The following UBR1 variants were observed in gnomAD, a reference collection of about 807,000 sequenced individuals.
The protein encoded by UBR1 is ubiquitin protein ligase E3 component n-recognin 1.
In UBR1, 102 loss-of-function variants were observed where a neutral mutation model predicts 242.1. That is an observed-to-expected ratio of 0.42 (90% CI 0.36 to 0.50). The LOEUF (loss-of-function observed/expected upper bound fraction) is 0.50. Ranked by LOEUF, UBR1 falls within the 20% of genes least tolerant of loss-of-function variation. UBR1 has a pLI of 0.01. For synonymous variants in UBR1, 675 were observed against 684.8 expected (o/e 0.99, Z 0.22); for missense variants, 1,772 against 2,101.8 (o/e 0.84, Z 3.07).
chr15:42,953,673 T>C (rs886548056), intron 44 of UBR1, among the ~76,000 whole-genome samples: 12 of 152,250 alleles, frequency 7.9e-5, no homozygotes, highest in African/African-American at 2.6e-4. Flanking sequence ...GAGCCTAAAG[T>C]ATATGACTGA....
chr15:43,067,152 A>G (rs1157631088), intron 6 of UBR1, among the ~76,000 whole-genome samples: 1 of 152,248 alleles, frequency 6.6e-6, no homozygotes, highest in Non-Finnish European at 1.5e-5. Flanking sequence ...GATATTACAC[A>G]TAAAGTATAC....
At chr15:42,996,528 T>C (rs1301677672) in intron 33 of UBR1, among the ~76,000 whole-genome samples, 1 of 152,050 alleles carries the variant, frequency 6.6e-6, no homozygotes, top group Non-Finnish European at 1.5e-5. Context: ...GCCCAGGAAG[T>C]TGAAGCTGCA....
At chr15:43,051,090 A>G (rs2033549659) in intron 12 of UBR1, among the ~76,000 whole-genome samples, 2 of 152,200 alleles carry the variant, frequency 1.3e-5, no homozygotes, top group South Asian at 4.1e-4. Context: ...CACCCAAAGG[A>G]ATATAAATTG....
chr15:42,970,857 G>T (rs936809508), intron 39 of UBR1, among the ~76,000 whole-genome samples: 2 of 152,050 alleles, frequency 1.3e-5, no homozygotes. Flanking sequence ...CAACTAGCTG[G>T]GATTACAGGC....
rs545631493 is a variant in UBR1, at chr15:42,955,977, T to A, written c.4835+2036A>T. Among the ~76,000 whole-genome samples, 72 of 152,280 alleles carry A rather than the reference T, an allele frequency of 4.7e-4. 1 individual carries two copies. In the South Asian group the frequency reaches 0.015, roughly 32 times the overall value. On this transcript the variant is annotated intron_variant, in intron 44 of 46. Coordinates refer to ENST00000290650, the MANE Select transcript of UBR1 (RefSeq NM_174916.3). ...TTGTTTTCACCAGTCTTTGTTATCA[T>A]CCAGTTCTTTTTCCACTTGAAATTA...
At chr15:43,006,091 T>TAAA (rs1257692507) in intron 30 of UBR1, among the ~76,000 whole-genome samples, 2 of 71,640 alleles carry the variant, frequency 2.8e-5, no homozygotes, top group Non-Finnish European at 6.0e-5. Flanking sequence ...CAATAAATAC[T>TAAA]AAAAAAAAAA....
rs200055321 is a variant in UBR1 at position 42,977,850 on chromosome 15, G to A, written c.4218+30C>T. ...AAAATACAAGAAATTATCAACATGA[G>A]TGACTTAAACAAAATTACTGAACAC... On this transcript the variant is annotated intron_variant, in intron 38 of 46. Coordinates refer to ENST00000290650, the MANE Select transcript of UBR1 (RefSeq NM_174916.3). The A allele has an allele frequency of 9.7e-6, 15 of 1,553,578 alleles. No homozygotes were observed. In the East Asian group the frequency reaches 3.1e-4, roughly 33 times the overall value.
intron 30 of UBR1, among the ~76,000 whole-genome samples, chr15:43,004,815 G>A (rs564016903): frequency 6.6e-6 from 1 of 152,314 alleles, no homozygotes; most frequent in Non-Finnish European, 1.5e-5. Context: ...TCTGGGAAGT[G>A]AGGAGCGGCT....
chr15:43,002,807 G>T (rs1178210389), intron 31 of UBR1, 103 bp from the exon 32 acceptor site: 2 of 1,471,708 alleles, frequency 1.4e-6, no homozygotes, highest in African/African-American at 1.4e-5. Context: ...TGGAATTTTT[G>T]CCCCAATAAA....
intron 10 of UBR1, 92 bp from the exon 11 acceptor site, chr15:43,056,534 TC>T: frequency 1.2e-6 from 1 of 826,118 alleles, no homozygotes. Flanking sequence ...TTTGTTTCTA[TC>T]TATAAAATGT....
chr15:43,098,241 T>G (rs547749922), intron 1 of UBR1, among the ~76,000 whole-genome samples: 96 of 152,320 alleles, frequency 6.3e-4, no homozygotes, highest in African/African-American at 2.2e-3. Context: ...TTTATGGATG[T>G]GGTTCATGGC....
At chr15:43,061,709 T>A (rs1247540890) in intron 6 of UBR1, among the ~76,000 whole-genome samples, 1 of 149,412 alleles carries the variant, frequency 6.7e-6, no homozygotes, top group Non-Finnish European at 1.5e-5. Context: ...AACTTAGGAA[T>A]GGAAAAACAA....
intron 4 of UBR1, among the ~76,000 whole-genome samples, chr15:43,073,214 T>C (rs1045836379): frequency 6.6e-6 from 1 of 152,142 alleles, no homozygotes; most frequent in Non-Finnish European, 1.5e-5. Flanking sequence ...TCATTATTAA[T>C]GATGATGTTA....
chr15:42,947,563 G>A (rs925868838), intron 46 of UBR1, among the ~76,000 whole-genome samples: 1 of 152,062 alleles, frequency 6.6e-6, no homozygotes. Context: ...ATCTCCTTAA[G>A]CTGATAAGCA....
intron 43 of UBR1, among the ~76,000 whole-genome samples, chr15:42,958,712 G>A (rs1462698394): frequency 6.6e-6 from 1 of 152,156 alleles, no homozygotes; most frequent in African/African-American, 2.4e-5. Context: ...GCTTGCAAAT[G>A]TTACTCATTC....
At chr15:43,092,406 G>C (rs1567150614) in intron 1 of UBR1, among the ~76,000 whole-genome samples, 1 of 152,224 alleles carries the variant, frequency 6.6e-6, no homozygotes, top group South Asian at 2.1e-4. Context: ...TCCCTGAGGA[G>C]AGGAACTTTG....
intron 25 of UBR1, among the ~76,000 whole-genome samples, chr15:43,023,340 C>T (rs2033134921): frequency 1.3e-5 from 2 of 151,780 alleles, no homozygotes; most frequent in South Asian, 4.2e-4. Flanking sequence ...TTCTGTAATC[C>T]CAGCACTTTC....
At chr15:43,066,100 G>T (rs1382302391) in intron 6 of UBR1, among the ~76,000 whole-genome samples, 1 of 152,148 alleles carries the variant, frequency 6.6e-6, no homozygotes, top group African/African-American at 2.4e-5. Context: ...ATAGTTTGGG[G>T]TTTTACATTT....
At chr15:43,105,480 T>A (rs1002536254) in intron 1 of UBR1, among the ~76,000 whole-genome samples, 8 of 152,136 alleles carry the variant, frequency 5.3e-5, no homozygotes, top group Non-Finnish European at 8.8e-5. Flanking sequence ...CAAGGACAAT[T>A]ACTACACCTC....
Sources: allele counts gnomAD v4.1 joint callset (sites outside exome capture counted in the v4.1 genomes callset), GRCh38; gene constraint gnomAD v4.1.1; transcripts MANE v1.5; gene names NCBI Gene and HGNC (gene_info 2026-07-23, HGNC 2026-07-21).